The following ZFAND3 variants were observed in gnomAD, a reference collection of about 807,000 sequenced individuals.
ZFAND3 encodes zinc finger AN1-type containing 3.
ZFAND3 carries 10 observed loss-of-function variants against 29.6 expected under a neutral mutation model. That is an observed-to-expected ratio of 0.34 (90% CI 0.21 to 0.57). The LOEUF is 0.57. ZFAND3 is among the 20% of genes least tolerant of loss of function. The pLI, the probability that ZFAND3 is intolerant of heterozygous loss-of-function variation, is 0.86. For missense variants in ZFAND3, 230 were observed against 304.5 expected, an observed-to-expected ratio of 0.76 and a Z score of 1.82; for synonymous variants, 128 against 112.6, an observed-to-expected ratio of 1.14 and a Z score of -0.87.
chr6:37,956,540 T>C (rs964866374), intron 2 of ZFAND3, among the ~76,000 whole-genome samples: 6 of 152,280 alleles, frequency 3.9e-5, no homozygotes, highest in South Asian at 2.1e-4. Flanking sequence ...ATTTCAACTT[T>C]GGGTAACAAA....
intron 1 of ZFAND3, among the ~76,000 whole-genome samples, chr6:37,830,433 T>C (rs1407468149): frequency 2.0e-5 from 3 of 152,194 alleles, no homozygotes; most frequent in South Asian, 4.1e-4. Flanking sequence ...TTCTGTCTTT[T>C]CTTGAAGTGT....
intron 2 of ZFAND3, among the ~76,000 whole-genome samples, chr6:38,006,534 T>C (rs535643041): frequency 6.6e-6 from 1 of 152,310 alleles, no homozygotes; most frequent in Middle Eastern, 3.4e-3. Context: ...CAGCTAAGCA[T>C]GGCTTCTTTC....
chr6:38,070,576 T>G (rs1040136831), intron 3 of ZFAND3, among the ~76,000 whole-genome samples: 1 of 152,172 alleles, frequency 6.6e-6, no homozygotes, highest in Non-Finnish European at 1.5e-5. Context: ...CTTACTATCC[T>G]TTTCTCTACT....
At chr6:38,024,668 C>A (rs1763414386) in intron 2 of ZFAND3, among the ~76,000 whole-genome samples, 1 of 152,130 alleles carries the variant, frequency 6.6e-6, no homozygotes. Context: ...CATGGACAAA[C>A]CTCAAAAACA....
intron 1 of ZFAND3, among the ~76,000 whole-genome samples, chr6:37,868,774 C>A (rs1764636356): frequency 6.6e-6 from 1 of 152,128 alleles, no homozygotes; most frequent in Non-Finnish European, 1.5e-5. Flanking sequence ...TTTGTTAGTG[C>A]AGTATTTTGT....
chr6:37,889,793 G>A (rs1196681344), intron 1 of ZFAND3, among the ~76,000 whole-genome samples: 1 of 152,044 alleles, frequency 6.6e-6, no homozygotes, highest in Non-Finnish European at 1.5e-5. Context: ...CATTATTATT[G>A]TTATTGATAG....
At chr6:37,975,553 T>C (rs1762463373) in intron 2 of ZFAND3, among the ~76,000 whole-genome samples, 1 of 152,186 alleles carries the variant, frequency 6.6e-6, no homozygotes, top group African/African-American at 2.4e-5. Flanking sequence ...TCAGGGTTTA[T>C]ATTTATACTG....
intron 1 of ZFAND3, among the ~76,000 whole-genome samples, chr6:37,825,706 A>C (rs1396636619): frequency 6.6e-6 from 1 of 152,214 alleles, no homozygotes; most frequent in Non-Finnish European, 1.5e-5. Flanking sequence ...AAAAGTTTTG[A>C]CTAAAAATCT....
intron 1 of ZFAND3, among the ~76,000 whole-genome samples, chr6:37,850,960 G>C (rs192951593): frequency 6.6e-6 from 1 of 150,974 alleles, no homozygotes; most frequent in East Asian, 2.0e-4. Context: ...GATTTTCTTG[G>C]TTTTATCTGT....
chr6:37,862,816 A>G (rs868515963), intron 1 of ZFAND3, among the ~76,000 whole-genome samples: 11 of 152,078 alleles, frequency 7.2e-5, no homozygotes, highest in Admixed American at 2.0e-4. Flanking sequence ...TCATTCCTCA[A>G]TAACATAACC....
At chr6:38,037,046 G>GT (rs1763671301) in intron 2 of ZFAND3, among the ~76,000 whole-genome samples, 1 of 152,188 alleles carries the variant, frequency 6.6e-6, no homozygotes, top group South Asian at 2.1e-4. Flanking sequence ...TTGCTTCAGA[G>GT]TTTGAAAAAT....
At chr6:37,870,292 CAAAAAAAA>C (rs1174577231) in intron 1 of ZFAND3, among the ~76,000 whole-genome samples, 55 of 33,496 alleles carry the variant, frequency 1.6e-3, no homozygotes, top group South Asian at 2.8e-3. Flanking sequence ...GAGACTGTCT[CAAAAAAAA>C]AAAAAAAAAA....
intron 1 of ZFAND3, among the ~76,000 whole-genome samples, chr6:37,916,908 A>G (rs554468937): frequency 2.6e-5 from 4 of 152,342 alleles, no homozygotes; most frequent in East Asian, 3.9e-4. Flanking sequence ...CACACTATGT[A>G]TACACTACCT....
At chr6:38,144,171 G>GATATATATATATATATATTAT (rs1315714773) in intron 5 of ZFAND3, among the ~76,000 whole-genome samples, 1 of 87,340 alleles carries the variant, frequency 1.1e-5, no homozygotes, top group Non-Finnish European at 2.1e-5. Context: ...AGAAAAATGT[G>GATATATATATATATATATTAT]ATATATATAT....
chr6:37,829,925 C>A (rs1763830190), intron 1 of ZFAND3, among the ~76,000 whole-genome samples: 1 of 152,180 alleles, frequency 6.6e-6, no homozygotes, highest in African/African-American at 2.4e-5. Context: ...ATAGTAGGAT[C>A]TCTTTAGGGG....
At chr6:38,082,865 A>G (rs1254483126) in intron 4 of ZFAND3, among the ~76,000 whole-genome samples, 1 of 152,032 alleles carries the variant, frequency 6.6e-6, no homozygotes, top group Non-Finnish European at 1.5e-5. Flanking sequence ...TTGGATAATT[A>G]TTTTCTGTCA....
At chr6:38,023,594 T>TA (rs1763390849) in intron 2 of ZFAND3, among the ~76,000 whole-genome samples, 1 of 152,190 alleles carries the variant, frequency 6.6e-6, no homozygotes, top group East Asian at 1.9e-4. Flanking sequence ...AAGCTACCTG[T>TA]AATCTGACTT....
intron 5 of ZFAND3, among the ~76,000 whole-genome samples, chr6:38,119,069 C>CAGCT (rs1458237521): frequency 6.6e-6 from 1 of 152,198 alleles, no homozygotes; most frequent in Non-Finnish European, 1.5e-5. Flanking sequence ...TTCCTAGAGT[C>CAGCT]AGCTGGGCAT....
chr6:38,031,958 A>G (rs1763570170), intron 2 of ZFAND3, among the ~76,000 whole-genome samples: 1 of 151,662 alleles, frequency 6.6e-6, no homozygotes, highest in African/African-American at 2.4e-5. Flanking sequence ...CAGCCTCCCA[A>G]GTAGCTGGGA....
Sources: gnomAD v4.1 joint callset for allele counts (sites outside exome capture counted in the v4.1 genomes callset) on GRCh38, gnomAD v4.1.1 for gene constraint, MANE v1.5 for transcripts, NCBI Gene and HGNC (gene_info 2026-07-23, HGNC 2026-07-21) for gene names.